Variants in LRIG1 observed in about 807,000 individuals in gnomAD.
LRIG1 encodes leucine-rich repeats and immunoglobulin-like domains protein 1.
Under a neutral mutation model 99.2 loss-of-function variants are expected in LRIG1, and 48 were observed. That is an observed-to-expected ratio of 0.48 (90% CI 0.38 to 0.62). The LOEUF is 0.62. LRIG1 is among the 20% of genes least tolerant of loss of function. LRIG1 has a pLI of 0.00. For synonymous variants in LRIG1, 772 were observed against 596.1 expected (o/e 1.29, Z -4.30); for missense variants, 1,646 against 1,434.4 (o/e 1.15, Z -2.38).
rs2106952048 is a variant in LRIG1 at position 66,500,631 on chromosome 3, T to C, written c.-224A>G. The C allele has an allele frequency of 3.3e-6, 1 of 303,674 alleles. No individual in the cohort carries two copies. The highest frequency in any genetic ancestry group is 6.0e-6 in the Non-Finnish European group (1 of 167,378). 18.8% of individuals were successfully genotyped at this position (303,674 alleles called of 1,614,324 possible). On this transcript the variant is annotated 5_prime_UTR_variant, in exon 1 of 19. It removes an upstream start codon present in the reference 5' UTR. Coordinates refer to ENST00000273261, the MANE Select transcript of LRIG1 (RefSeq NM_015541.3). ...GCGGGGGCCGCAAACCCCGCGCCCA[T>C]CCGGGCCGGCCGGCCCGCCCGCGCT...
intron 3 of LRIG1, among the ~76,000 whole-genome samples, chr3:66,447,262 GTTA>G (rs1244167446): frequency 1.3e-5 from 2 of 152,058 alleles, no homozygotes; most frequent in African/African-American, 4.8e-5. Context: ...GTACAATTAA[GTTA>G]TTATTGGCTA....
At chr3:66,470,448 A>C (rs944660324) in intron 1 of LRIG1, among the ~76,000 whole-genome samples, 1 of 152,202 alleles carries the variant, frequency 6.6e-6, no homozygotes, top group Non-Finnish European at 1.5e-5. Flanking sequence ...TAAGGAATGG[A>C]GGGCATGGAG....
intron 3 of LRIG1, among the ~76,000 whole-genome samples, chr3:66,429,651 T>C (rs375158997): frequency 6.6e-6 from 1 of 152,186 alleles, no homozygotes; most frequent in African/African-American, 2.4e-5. Flanking sequence ...GCACATGTGA[T>C]TATACATTTG....
At chr3:66,446,068 C>CACTCTTTAATTACACTT (rs1703707702) in intron 3 of LRIG1, among the ~76,000 whole-genome samples, 1 of 152,210 alleles carries the variant, frequency 6.6e-6, no homozygotes, top group Admixed American at 6.5e-5. Flanking sequence ...TTAATGCGAA[C>CACTCTTTAATTACACTT]TGATCTTTGC....
chr3:66,465,520 T>A (rs551224997), intron 1 of LRIG1, among the ~76,000 whole-genome samples: 134 of 151,842 alleles, frequency 8.8e-4, no homozygotes, highest in African/African-American at 3.2e-3. Flanking sequence ...CCTGCCACCA[T>A]GCCCGGCTAA....
chr3:66,414,533 T>C (rs972332279), intron 5 of LRIG1, among the ~76,000 whole-genome samples: 6 of 152,176 alleles, frequency 3.9e-5, no homozygotes, highest in African/African-American at 1.4e-4. Context: ...GTTCAAGAAG[T>C]GTCGGACACC....
intron 3 of LRIG1, among the ~76,000 whole-genome samples, chr3:66,421,246 C>G (rs1217325574): frequency 6.6e-6 from 1 of 152,166 alleles, no homozygotes; most frequent in African/African-American, 2.4e-5. Flanking sequence ...CATGCCTTCC[C>G]AACAGTCCCC....
intron 1 of LRIG1, among the ~76,000 whole-genome samples, chr3:66,478,970 C>T (rs1030660051): frequency 1.3e-5 from 2 of 152,156 alleles, no homozygotes; most frequent in Non-Finnish European, 2.9e-5. Context: ...CCTCGGCTCC[C>T]TTTCCCATTA....
chr3:66,420,445 T>C (rs1202914700), intron 3 of LRIG1, among the ~76,000 whole-genome samples: 1 of 152,212 alleles, frequency 6.6e-6, no homozygotes, highest in African/African-American at 2.4e-5. Context: ...CACCATATGA[T>C]CCCACAATTC....
chr3:66,450,972 A>G (rs555426768), intron 3 of LRIG1, among the ~76,000 whole-genome samples: 1 of 152,348 alleles, frequency 6.6e-6, no homozygotes, highest in East Asian at 1.9e-4. Context: ...GTAACAGCAC[A>G]AATGATAATA....
In LRIG1 at chr3:66,380,221, TC is replaced by T; in HGVS notation, c.*41del. On this transcript the variant is annotated 3_prime_UTR_variant, in exon 19 of 19. Coordinates refer to ENST00000273261, the MANE Select transcript of LRIG1 (RefSeq NM_015541.3). Reference sequence around the variant, plus strand: ...CCTCGCAGCCTCTCCTACCTCTCTTTCCCGTAGAGATTGGTATGACAAGAAC... The same window carrying T: ...CCTCGCAGCCTCTCCTACCTCTCTTTCCGTAGAGATTGGTATGACAAGAAC... 1.3e-6 allele frequency: 2 copies of T among 1,539,120 alleles called. No individual in the cohort carries two copies. The highest frequency in any genetic ancestry group is 1.8e-6 in the Non-Finnish European group (2 of 1,128,536).
chr3:66,423,097 G>C (rs1446037587), intron 3 of LRIG1, among the ~76,000 whole-genome samples: 4 of 152,150 alleles, frequency 2.6e-5, no homozygotes, highest in Admixed American at 2.0e-4. Context: ...GATGAGATCT[G>C]GGTAGACATC....
At chr3:66,484,024 G>C (rs539227523) in intron 1 of LRIG1, among the ~76,000 whole-genome samples, 2 of 152,332 alleles carry the variant, frequency 1.3e-5, no homozygotes, top group East Asian at 3.9e-4. Flanking sequence ...TTCTAAATGT[G>C]GCAGGTAAAC....
At chr3:66,453,320 T>C (rs1426716352) in intron 2 of LRIG1, among the ~76,000 whole-genome samples, 2 of 152,242 alleles carry the variant, frequency 1.3e-5, no homozygotes, top group Non-Finnish European at 2.9e-5. Context: ...GCTGACTATG[T>C]GCCAGGCACA....
intron 1 of LRIG1, among the ~76,000 whole-genome samples, chr3:66,473,878 A>G (rs1700657566): frequency 6.6e-6 from 1 of 152,200 alleles, no homozygotes; most frequent in Non-Finnish European, 1.5e-5. Context: ...GGCTTCTTAA[A>G]GTTTACGTGT....
In LRIG1 at chr3:66,380,396, G is replaced by A. The variant is rs745427634; in HGVS notation, c.3149C>T (p.Ala1050Val). 98 of 1,609,412 alleles carry A rather than the reference G, an allele frequency of 6.1e-5. No individual in the cohort carries two copies. The highest frequency in any genetic ancestry group is 3.3e-4 in the Middle Eastern group (2 of 6,082). Residue 1050 changes from alanine (A) to valine (V), a missense_variant, in exon 19 of 19, where the codon GCG (alanine) becomes GTG (valine). Transcript: ENST00000273261. The stretch of plus-strand genomic sequence containing the variant: ...GGAAACAAGCAAGTACTGGGCTTCC[G>A]CGCGCTCTGGACTGCCTGAAGTTAA... ...SSLTSGSPERAEAQYLLVSNG... is the reference protein window; with the variant it reads ...SSLTSGSPERVEAQYLLVSNG...
chr3:66,472,179 C>T (rs887428158), intron 1 of LRIG1, among the ~76,000 whole-genome samples: 15 of 151,752 alleles, frequency 9.9e-5, no homozygotes, highest in Non-Finnish European at 1.6e-4. Flanking sequence ...TGGTGGGCGC[C>T]TGTAGTCCCA....
intron 9 of LRIG1, chr3:66,401,815 G>A (rs951049682): frequency 7.8e-6 from 4 of 512,652 alleles, no homozygotes; most frequent in South Asian, 6.8e-5. Context: ...AGCGACCTGC[G>A]GGAGTCACCT....
chr3:66,468,325 A>C (rs1052402626), intron 1 of LRIG1, among the ~76,000 whole-genome samples: 1 of 152,178 alleles, frequency 6.6e-6, no homozygotes, highest in African/African-American at 2.4e-5. Context: ...ACACAGACAA[A>C]ATCTCTCACT....
Sources: gnomAD v4.1 joint callset for allele counts (sites outside exome capture counted in the v4.1 genomes callset) on GRCh38, gnomAD v4.1.1 for gene constraint, MANE v1.5 for transcripts, NCBI Gene and HGNC (gene_info 2026-07-23, HGNC 2026-07-21) for gene names.